The following FRMPD4 variants were observed in gnomAD, a reference collection of about 807,000 sequenced individuals.
FRMPD4 encodes FERM and PDZ domain-containing protein 4.
Under a neutral mutation model 94.1 loss-of-function variants are expected in FRMPD4, and 22 were observed. The observed-to-expected ratio is 0.23, with a 90% CI of 0.17 to 0.33. The LOEUF (loss-of-function observed/expected upper bound fraction) is 0.33. Ranked by LOEUF, FRMPD4 falls within the 10% of genes least tolerant of loss-of-function variation. FRMPD4 has a pLI of 1.00. For synonymous variants in FRMPD4, 631 were observed against 548.6 expected, an observed-to-expected ratio of 1.15 and a Z score of -2.10; for missense variants, 1,111 against 1,339.9, an observed-to-expected ratio of 0.83 and a Z score of 2.67.
chrX:11,840,865 C>A (rs12012182), intron 1 of FRMPD4, among the ~76,000 whole-genome samples: 1 of 104,745 alleles, frequency 9.5e-6, no homozygotes. Flanking sequence ...TTTAGCATTA[C>A]GTATATCTCC....
intron 3 of FRMPD4, among the ~76,000 whole-genome samples, chrX:12,126,534 A>G (rs1384305407): frequency 1.8e-5 from 2 of 111,331 alleles, no homozygotes; most frequent in African/African-American, 6.5e-5. Flanking sequence ...GAGGTCCCAC[A>G]TCACAGGCAG....
chrX:12,362,582 C>T (rs2056009777), intron 1 of FRMPD4, among the ~76,000 whole-genome samples: 1 of 111,370 alleles, frequency 9.0e-6, no homozygotes, highest in Non-Finnish European at 1.9e-5. Context: ...ATATGTGTCA[C>T]ATTTTCTTAA....
intron 1 of FRMPD4, among the ~76,000 whole-genome samples, chrX:12,443,634 TAA>T (rs1250636369): frequency 9.0e-6 from 1 of 111,702 alleles, no homozygotes; most frequent in Non-Finnish European, 1.9e-5. Flanking sequence ...ATCTGAAGAC[TAA>T]AATAGCCTAA....
intron 1 of FRMPD4, among the ~76,000 whole-genome samples, chrX:12,246,570 A>T (rs2053961589): frequency 9.0e-6 from 1 of 111,638 alleles, no homozygotes; most frequent in African/African-American, 3.3e-5. Flanking sequence ...ATTTTTAAGG[A>T]TATATTTTCA....
chrX:12,274,451 GAGAT>G (rs1421666682), intron 1 of FRMPD4, among the ~76,000 whole-genome samples: 1 of 112,422 alleles, frequency 8.9e-6, no homozygotes, highest in Admixed American at 9.4e-5. Flanking sequence ...CTGTGAAAAA[GAGAT>G]AGTGCTTATG....
intron 2 of FRMPD4, among the ~76,000 whole-genome samples, chrX:12,582,063 T>C (rs188395574): frequency 8.9e-6 from 1 of 112,433 alleles, no homozygotes; most frequent in Non-Finnish European, 1.9e-5. Context: ...GTCTCTGCAG[T>C]GCTTAGAACA....
Position 12,214,309 on chromosome X carries a change from A to G in FRMPD4, c.41+75297A>G, listed in dbSNP as rs190164758. 2.5e-4 allele frequency among the ~76,000 whole-genome samples: 28 copies of G among 111,824 alleles called. No individual in the cohort carries two copies. In the East Asian group the frequency reaches 7.6e-3, roughly 30 times the overall value. Reference sequence around the variant, plus strand: ...GATATTCTCTTGCCGTTGAATAAGCATAATATTCTCCTCTTAAAATTTTCT... The same window carrying G: ...GATATTCTCTTGCCGTTGAATAAGCGTAATATTCTCCTCTTAAAATTTTCT... On this transcript the variant is annotated intron_variant, in intron 1 of 16. Transcript: ENST00000675598.
chrX:12,637,828 A>G (rs1212294603), intron 4 of FRMPD4, among the ~76,000 whole-genome samples: 1 of 112,561 alleles, frequency 8.9e-6, no homozygotes, highest in Non-Finnish European at 1.9e-5. Context: ...AACTGTAATC[A>G]TGCCATCAAC....
chrX:12,707,155 T>C lies in FRMPD4; in HGVS notation c.1287+240T>C, dbSNP rs2041891787. ...AAGGATTCTAACAATGGCCTTCTTT[T>C]AAATCATTGAGCCAGAAGTTGCTTT... On this transcript the variant is annotated intron_variant, in intron 12 of 16. Coordinates refer to ENST00000675598, the MANE Select transcript of FRMPD4 (RefSeq NM_001368397.1). 2.7e-5 allele frequency among the ~76,000 whole-genome samples: 3 copies of C among 111,306 alleles called. No individual in the cohort carries two copies. The South Asian group carries it at 1.1e-3, about 43-fold the overall frequency.
At chrX:12,315,465 A>G (rs2055100181) in intron 1 of FRMPD4, among the ~76,000 whole-genome samples, 1 of 112,050 alleles carries the variant, frequency 8.9e-6, no homozygotes, top group Non-Finnish European at 1.9e-5. Flanking sequence ...GTAATCTCAT[A>G]TATTGAATTT....
intron 2 of FRMPD4, among the ~76,000 whole-genome samples, chrX:12,563,265 C>CACACAA (rs1354943368): frequency 9.0e-6 from 1 of 110,845 alleles, no homozygotes; most frequent in Non-Finnish European, 1.9e-5. Context: ...CACACACACA[C>CACACAA]ACACACACAT....
intron 3 of FRMPD4, among the ~76,000 whole-genome samples, chrX:12,032,320 A>G (rs186145788): frequency 2.4e-4 from 27 of 111,653 alleles, no homozygotes; most frequent in Non-Finnish European, 2.1e-4. Context: ...TGGAGAAAGA[A>G]CTCCTACGCT....
chrX:12,022,719 C>G (rs1219598710), intron 3 of FRMPD4, among the ~76,000 whole-genome samples: 1 of 111,583 alleles, frequency 9.0e-6, no homozygotes, highest in Non-Finnish European at 1.9e-5. Flanking sequence ...TGGGAACCAA[C>G]AATGTATTTC....
chrX:12,516,132 T>TCA (rs2058093452), intron 2 of FRMPD4, among the ~76,000 whole-genome samples: 1 of 112,110 alleles, frequency 8.9e-6, no homozygotes, highest in Non-Finnish European at 1.9e-5. Flanking sequence ...TGCAAGCTGA[T>TCA]GGGTCTTGAC....
At chrX:12,207,754 G>A (rs994511572) in intron 1 of FRMPD4, among the ~76,000 whole-genome samples, 9 of 109,652 alleles carry the variant, frequency 8.2e-5, no homozygotes, top group African/African-American at 3.0e-4. Flanking sequence ...TCGGGAGGGG[G>A]AATCCTGGAA....
At chrX:12,099,643 T>G (rs1177977428) in intron 3 of FRMPD4, among the ~76,000 whole-genome samples, 1 of 112,569 alleles carries the variant, frequency 8.9e-6, no homozygotes, top group East Asian at 2.8e-4. Context: ...CCTGGAATCT[T>G]GCTATGTTCT....
At chrX:12,024,348 T>G (rs1311037177) in intron 3 of FRMPD4, among the ~76,000 whole-genome samples, 3 of 112,192 alleles carry the variant, frequency 2.7e-5, no homozygotes, top group African/African-American at 9.7e-5. Context: ...ATTGTACAGA[T>G]GAGAAAACTG....
chrX:12,718,717 C>T lies in FRMPD4; in HGVS notation c.3891C>T (p.Ala1297=), dbSNP rs2042160510. 2 of 1,207,971 alleles carry T rather than the reference C, an allele frequency of 1.7e-6. No individual in the cohort carries two copies. The highest frequency in any genetic ancestry group is 4.4e-5 in the Admixed American group (2 of 45,866). ...TGACAGTGCCTGCTCTGCACACAGC[C>T]ATTAACACCGAACCCCTGTTTGGCA... is the stretch of plus-strand genomic sequence containing the variant. ...PRMTVPALHT[A]INTEPLFGTL... is the part of the protein sequence containing the mutation. Residue 1297 remains alanine, a synonymous_variant, in exon 16 of 17, where the codon GCC becomes GCT. Coordinates refer to ENST00000675598, the MANE Select transcript of FRMPD4 (RefSeq NM_001368397.1).
chrX:11,981,543 A>G (rs937374965), intron 3 of FRMPD4, among the ~76,000 whole-genome samples: 3 of 111,366 alleles, frequency 2.7e-5, no homozygotes, highest in Non-Finnish European at 3.8e-5. Flanking sequence ...TTAATTTCTA[A>G]TTCTCTGACT....
Sources: allele counts gnomAD v4.1 joint callset (sites outside exome capture counted in the v4.1 genomes callset), GRCh38; gene constraint gnomAD v4.1.1; transcripts MANE v1.5; gene names NCBI Gene and HGNC (gene_info 2026-07-23, HGNC 2026-07-21).